The following TMEFF2 variants were observed in gnomAD, a reference collection of about 807,000 sequenced individuals.
TMEFF2 encodes the protein transmembrane protein with EGF like and two follistatin like domains 2.
TMEFF2 carries 28 observed loss-of-function variants against 53.8 expected under a neutral mutation model. The observed-to-expected ratio is 0.52, with a 90% CI of 0.39 to 0.71. The LOEUF (loss-of-function observed/expected upper bound fraction) is 0.71. TMEFF2 is among the 30% of genes least tolerant of loss of function. TMEFF2 has a pLI of 0.00. For missense variants in TMEFF2, 353 were observed against 455.2 expected (o/e 0.78, Z 2.04); for synonymous variants, 162 against 166.3 (o/e 0.97, Z 0.20).
At chr2:191,998,454 C>T in intron 6 of TMEFF2, 133 bp from the exon 7 acceptor site, 1 of 564,368 alleles carries the variant, frequency 1.8e-6, no homozygotes, top group Non-Finnish European at 3.0e-6. Context: ...AAGCAACCTG[C>T]ATCATACTAA....
intron 5 of TMEFF2, among the ~76,000 whole-genome samples, chr2:192,037,348 G>GA (rs201866902): frequency 5.2e-4 from 64 of 122,078 alleles, no homozygotes; most frequent in Admixed American, 1.6e-3. Flanking sequence ...ACAGAAAACA[G>GA]AAAAAAAAAC....
At chr2:192,086,006 T>C (rs1168003140) in intron 4 of TMEFF2, among the ~76,000 whole-genome samples, 1 of 152,146 alleles carries the variant, frequency 6.6e-6, no homozygotes, top group Non-Finnish European at 1.5e-5. Flanking sequence ...ATTCCCTCAT[T>C]AGGAAAACCA....
At chr2:192,165,994 C>T (rs756950201) in intron 4 of TMEFF2, among the ~76,000 whole-genome samples, 2 of 152,122 alleles carry the variant, frequency 1.3e-5, no homozygotes, top group African/African-American at 2.4e-5. Context: ...TTTGCCCAGT[C>T]CTCGGGTGTT....
chr2:192,002,910 C>G (rs1686404013), intron 5 of TMEFF2, among the ~76,000 whole-genome samples: 1 of 152,116 alleles, frequency 6.6e-6, no homozygotes, highest in South Asian at 2.1e-4. Flanking sequence ...AAGGACCTAC[C>G]ATTTCTATGT....
At chr2:192,144,035 T>A (rs981392478) in intron 4 of TMEFF2, among the ~76,000 whole-genome samples, 1 of 152,132 alleles carries the variant, frequency 6.6e-6, no homozygotes, top group Admixed American at 6.6e-5. Context: ...TGGGTTATTT[T>A]AAAACTGTGG....
intron 4 of TMEFF2, among the ~76,000 whole-genome samples, chr2:192,110,810 C>T (rs1689255892): frequency 6.6e-6 from 1 of 152,064 alleles, no homozygotes; most frequent in African/African-American, 2.4e-5. Flanking sequence ...TTCCATAATT[C>T]CCATGTGTTG....
chr2:192,192,008 A>G lies in TMEFF2; in HGVS notation c.173-19T>C, dbSNP rs770222011. On this transcript the variant is annotated intron_variant, in intron 1 of 9. Transcript: ENST00000272771. ...TCATAACCTCAAATTCAAAGAGAAC[A>G]CTCCAGTCATTAAAACATCTTACAG... 6.6e-7 allele frequency: 1 copy of G among 1,520,844 alleles called. No homozygotes were observed. The highest frequency in any genetic ancestry group is 1.4e-5 in the African/African-American group (1 of 72,940). The allele number at this position is 1,520,844 out of a possible 1,614,324, so 94.2% of individuals were successfully genotyped here. A position where few individuals can be genotyped will look rare whatever the true frequency, so the allele number is the denominator to read the frequency against.
chr2:192,001,394 TG>T (rs1218888937), intron 5 of TMEFF2, among the ~76,000 whole-genome samples: 2 of 152,108 alleles, frequency 1.3e-5, no homozygotes, highest in African/African-American at 4.8e-5. Flanking sequence ...GTAAATGTTT[TG>T]TAAATAGATT....
intron 4 of TMEFF2, among the ~76,000 whole-genome samples, chr2:192,107,636 T>C (rs1689179717): frequency 6.6e-6 from 1 of 151,788 alleles, no homozygotes; most frequent in Admixed American, 6.6e-5. Context: ...TAAAGTTTTT[T>C]ATAGACTTGG....
chr2:192,097,606 A>G (rs1007879195), intron 4 of TMEFF2, among the ~76,000 whole-genome samples: 1 of 152,218 alleles, frequency 6.6e-6, no homozygotes, highest in Non-Finnish European at 1.5e-5. Flanking sequence ...CTTAATTACA[A>G]TTTTCAATTC....
intron 7 of TMEFF2, among the ~76,000 whole-genome samples, chr2:191,982,800 CTCT>C (rs1685885460): frequency 6.6e-6 from 1 of 152,094 alleles, no homozygotes; most frequent in African/African-American, 2.4e-5. Context: ...ATCAGAACAG[CTCT>C]TCTTTGACTC....
chr2:192,048,278 A>G (rs533297325), intron 5 of TMEFF2, among the ~76,000 whole-genome samples: 15 of 151,986 alleles, frequency 9.9e-5, no homozygotes, highest in African/African-American at 3.4e-4. Context: ...AACAATCACC[A>G]AATAACTCAC....
chr2:192,172,150 T>C (rs1172856248), intron 4 of TMEFF2, among the ~76,000 whole-genome samples: 2 of 151,654 alleles, frequency 1.3e-5, no homozygotes, highest in African/African-American at 4.8e-5. Flanking sequence ...TTCCAATTGA[T>C]GACAACTCAT....
At chr2:192,166,547 T>C (rs1382292514) in intron 4 of TMEFF2, among the ~76,000 whole-genome samples, 1 of 152,168 alleles carries the variant, frequency 6.6e-6, no homozygotes, top group Non-Finnish European at 1.5e-5. Flanking sequence ...TTCAAAGTGA[T>C]AAAAATATTT....
chr2:192,129,548 G>T (rs1689761667), intron 4 of TMEFF2, among the ~76,000 whole-genome samples: 1 of 152,126 alleles, frequency 6.6e-6, no homozygotes, highest in Non-Finnish European at 1.5e-5. Flanking sequence ...GACCCCACAT[G>T]CATTCTTACA....
chr2:192,100,404 A>G (rs1689007284), intron 4 of TMEFF2, among the ~76,000 whole-genome samples: 1 of 152,178 alleles, frequency 6.6e-6, no homozygotes, highest in South Asian at 2.1e-4. Flanking sequence ...GTCTTCTAGC[A>G]TGCATTTTCA....
At chr2:192,057,403 CT>C (rs879924481) in intron 5 of TMEFF2, among the ~76,000 whole-genome samples, 31 of 151,984 alleles carry the variant, frequency 2.0e-4, no homozygotes, top group African/African-American at 5.5e-4. Context: ...GTAAATAAGA[CT>C]TTTTTTTCCC....
chr2:191,967,418 G>A (rs1692501440), intron 7 of TMEFF2, among the ~76,000 whole-genome samples: 1 of 151,964 alleles, frequency 6.6e-6, no homozygotes. Flanking sequence ...GGATAAAATA[G>A]AATTATAGTA....
chr2:192,054,967 A>G (rs1343247751), intron 5 of TMEFF2, among the ~76,000 whole-genome samples: 1 of 151,860 alleles, frequency 6.6e-6, no homozygotes, highest in East Asian at 1.9e-4. Context: ...TTAAAAGCTC[A>G]TGTCTTAAAT....
Sources: gnomAD v4.1 joint callset for allele counts (sites outside exome capture counted in the v4.1 genomes callset) on GRCh38, gnomAD v4.1.1 for gene constraint, MANE v1.5 for transcripts, NCBI Gene and HGNC (gene_info 2026-07-23, HGNC 2026-07-21) for gene names.